Variants in RBFOX1 observed in about 807,000 individuals in gnomAD.
The protein encoded by RBFOX1 is RNA binding protein fox-1 homolog 1.
Under a neutral mutation model 57.7 loss-of-function variants are expected in RBFOX1, and 8 were observed. The observed-to-expected ratio is 0.14, with a 90% CI of 0.08 to 0.25. The LOEUF (loss-of-function observed/expected upper bound fraction) is 0.25, where lower values mean the gene tolerates loss of function less well. RBFOX1 is among the 10% of genes least tolerant of loss of function. The pLI, the probability that RBFOX1 is intolerant of heterozygous loss-of-function variation, is 1.00. For missense variants in RBFOX1, 611 were observed against 548.5 expected (o/e 1.11, Z -1.14); for synonymous variants, 326 against 222.4 (o/e 1.47, Z -4.15).
intron 1 of RBFOX1, among the ~76,000 whole-genome samples, chr16:6,129,773 G>A (rs1597589903): frequency 7.0e-6 from 1 of 143,252 alleles, no homozygotes; most frequent in East Asian, 2.1e-4. Context: ...AGATAATATT[G>A]AAAACAGCCA....
chr16:6,499,641 C>G (rs775159655), intron 2 of RBFOX1, among the ~76,000 whole-genome samples: 2 of 151,968 alleles, frequency 1.3e-5, no homozygotes, highest in Non-Finnish European at 2.9e-5. Flanking sequence ...TGAGGTATTT[C>G]AAGTTCTCAT....
At chr16:7,386,010 C>T (rs914230157) in intron 4 of RBFOX1, among the ~76,000 whole-genome samples, 26 of 151,336 alleles carry the variant, frequency 1.7e-4, no homozygotes, top group Non-Finnish European at 3.2e-4. Context: ...AGGCTGGTCT[C>T]GAACTCCTGA....
chr16:5,592,657 C>A (rs981917393), intron 2 of RBFOX1, among the ~76,000 whole-genome samples: 2 of 152,132 alleles, frequency 1.3e-5, no homozygotes, highest in Non-Finnish European at 2.9e-5. Flanking sequence ...TATGTTAAGT[C>A]CTCTGTTTGG....
At chr16:6,054,524 A>T (rs2095591168) in intron 1 of RBFOX1, among the ~76,000 whole-genome samples, 1 of 152,228 alleles carries the variant, frequency 6.6e-6, no homozygotes, top group South Asian at 2.1e-4. Flanking sequence ...ATTAAGTCTC[A>T]GGTGAGATCT....
Position 7,188,997 on chromosome 16 carries a change from C to T in RBFOX1, c.27+136899C>T, listed in dbSNP as rs184038877. On this transcript the variant is annotated intron_variant, in intron 4 of 15. Coordinates refer to ENST00000550418, the MANE Select transcript of RBFOX1 (RefSeq NM_018723.4). ...CAAGGAAGGGTTGGTTCAAGAACAT[C>T]AGGCTAGAGGCAAGTCAAGACCTTA... 9.7e-4 allele frequency among the ~76,000 whole-genome samples: 148 copies of T among 152,240 alleles called. 1 individual carries two copies. In the Middle Eastern group the frequency reaches 0.014, roughly 14 times the overall value.
intron 1 of RBFOX1, among the ~76,000 whole-genome samples, chr16:6,168,951 G>C (rs2096938144): frequency 6.6e-6 from 1 of 152,240 alleles, no homozygotes; most frequent in East Asian, 1.9e-4. Flanking sequence ...CTGTAACAGA[G>C]AAGTTTTGGA....
At chr16:6,843,359 T>C (rs1426103250) in intron 3 of RBFOX1, among the ~76,000 whole-genome samples, 1 of 151,830 alleles carries the variant, frequency 6.6e-6, no homozygotes, top group Non-Finnish European at 1.5e-5. Context: ...AAAAAAAAAT[T>C]CCTTACTTTT....
chr16:7,306,761 C>A (rs916989399), intron 4 of RBFOX1, among the ~76,000 whole-genome samples: 1 of 152,120 alleles, frequency 6.6e-6, no homozygotes, highest in Non-Finnish European at 1.5e-5. Flanking sequence ...CCATTACTGT[C>A]GTGATAGTTC....
At position 7,114,511 on chromosome 16, in the gene RBFOX1, A is replaced by G. The variant is rs576875394; in HGVS notation, c.27+62413A>G. Among the ~76,000 whole-genome samples the G allele has an allele frequency of 3.9e-5, 6 of 152,328 alleles. No homozygotes were observed. In the South Asian group the frequency reaches 1.2e-3, roughly 32 times the overall value. On this transcript the variant is annotated intron_variant, in intron 4 of 15. Transcript: ENST00000550418. ...GCACTCAAGCACTGTGAAAATTAGC[A>G]GTGGAACATGGTTCCAAATGAAAGT...
intron 4 of RBFOX1, among the ~76,000 whole-genome samples, chr16:7,094,955 T>C (rs1450324237): frequency 1.3e-5 from 2 of 152,160 alleles, no homozygotes; most frequent in Non-Finnish European, 1.5e-5. Flanking sequence ...TAAACATCTA[T>C]TGTAAACATC....
chr16:7,187,809 G>A (rs2084307857), intron 4 of RBFOX1, among the ~76,000 whole-genome samples: 1 of 150,376 alleles, frequency 6.6e-6, no homozygotes, highest in Middle Eastern at 3.3e-3. Context: ...TTTCTTAATG[G>A]TGAGAAATTA....
intron 3 of RBFOX1, among the ~76,000 whole-genome samples, chr16:7,027,643 T>C (rs2041369774): frequency 1.3e-5 from 2 of 152,188 alleles, no homozygotes; most frequent in Admixed American, 6.5e-5. Context: ...AGCCCAACTT[T>C]CATTATTCAG....
chr16:7,454,505 G>C (rs1281211538), intron 4 of RBFOX1, among the ~76,000 whole-genome samples: 2 of 152,144 alleles, frequency 1.3e-5, no homozygotes, highest in Non-Finnish European at 2.9e-5. Context: ...ATCAAGTTGA[G>C]TTTATAAGGT....
intron 3 of RBFOX1, among the ~76,000 whole-genome samples, chr16:5,761,673 G>A (rs1253982980): frequency 1.3e-5 from 2 of 152,118 alleles, no homozygotes; most frequent in South Asian, 2.1e-4. Flanking sequence ...ACCTCTCACC[G>A]GGTCCTTTCC....
intron 4 of RBFOX1, among the ~76,000 whole-genome samples, chr16:7,487,253 A>G (rs1255626712): frequency 2.0e-5 from 3 of 152,150 alleles, no homozygotes; most frequent in Non-Finnish European, 4.4e-5. Flanking sequence ...GTTTCCTCCA[A>G]GACATCCACA....
chr16:5,840,920 A>C (rs1479004077), intron 3 of RBFOX1, among the ~76,000 whole-genome samples: 3 of 152,088 alleles, frequency 2.0e-5, no homozygotes, highest in Middle Eastern at 3.2e-3. Flanking sequence ...TCTTCAACCA[A>C]AATGGCCTTT....
At chr16:5,427,054 C>T (rs373145500) in intron 1 of RBFOX1, among the ~76,000 whole-genome samples, 2 of 152,134 alleles carry the variant, frequency 1.3e-5, no homozygotes, top group African/African-American at 4.8e-5. Context: ...TTGGCTTTTA[C>T]CTCATGGTGT....
At chr16:5,578,987 A>G (rs1417845056) in intron 2 of RBFOX1, among the ~76,000 whole-genome samples, 1 of 151,716 alleles carries the variant, frequency 6.6e-6, no homozygotes, top group Admixed American at 6.6e-5. Context: ...AGCTGGGACT[A>G]CAGGCTTGTA....
chr16:6,219,325 A>T (rs1036895928), intron 1 of RBFOX1, among the ~76,000 whole-genome samples: 8 of 152,096 alleles, frequency 5.3e-5, no homozygotes, highest in Non-Finnish European at 1.0e-4. Context: ...CACACAAAAA[A>T]GTAATAGTTA....
Sources: allele counts gnomAD v4.1 joint callset (sites outside exome capture counted in the v4.1 genomes callset), GRCh38; gene constraint gnomAD v4.1.1; transcripts MANE v1.5; gene names NCBI Gene and HGNC (gene_info 2026-07-23, HGNC 2026-07-21).